Variants in PATJ observed in about 807,000 individuals in gnomAD.
PATJ encodes the protein PATJ crumbs cell polarity complex component, also known as inaD-like protein.
A neutral mutation model predicts 224.9 loss-of-function variants in PATJ; 190 were observed. The observed-to-expected ratio is 0.84, with a 90% CI of 0.75 to 0.95. The LOEUF is 0.95. Among genes scored for constraint, PATJ ranks in the 40% least tolerant of loss-of-function variants. PATJ has a pLI of 0.00. For synonymous variants in PATJ, 769 were observed against 820.3 expected (o/e 0.94, Z 1.07); for missense variants, 2,121 against 2,270.3 (o/e 0.93, Z 1.34).
rs1333691618 is a variant in PATJ, at chr1:62,038,856, G to A, written c.4032+807G>A. On this transcript the variant is annotated intron_variant, in intron 30 of 43. Coordinates refer to ENST00000642238, the MANE Select transcript of PATJ (RefSeq NM_001350145.3). ...CGGTGGGTGGGATGGAGGCGACCTTGGAGCAGCGCATAGAAGATACAATGA... is the reference window on the plus strand; with the variant it reads ...CGGTGGGTGGGATGGAGGCGACCTTAGAGCAGCGCATAGAAGATACAATGA... The A allele has an allele frequency of 1.3e-5, 10 of 744,742 alleles. No homozygotes were observed. The Admixed American group carries it at 1.6e-4, about 12-fold the overall frequency. The allele number at this position is 744,742 out of a possible 1,614,324, so 46.1% of individuals were successfully genotyped here.
chr1:61,950,725 T>A (rs1679533547), intron 27 of PATJ, among the ~76,000 whole-genome samples: 1 of 152,208 alleles, frequency 6.6e-6, no homozygotes, highest in Non-Finnish European at 1.5e-5. Context: ...TGTTTTTTGT[T>A]TGTTTGTTTT....
intron 33 of PATJ, among the ~76,000 whole-genome samples, chr1:62,103,474 C>T (rs1046371980): frequency 2.6e-5 from 4 of 152,144 alleles, no homozygotes; most frequent in Non-Finnish European, 5.9e-5. Context: ...ATTACCTGGC[C>T]GGGTGCAATG....
Position 62,037,987 on chromosome 1 carries a change from G to A in PATJ, c.3970G>A (p.Ala1324Thr), listed in dbSNP as rs1650758306. The change falls in exon 30 of 44, where the codon GCA becomes ACA. Residue 1324 changes from alanine to threonine, a missense_variant. Physicochemically the swap from Ala to Thr is moderately conservative, Grantham distance 58. Coordinates refer to ENST00000642238, the MANE Select transcript of PATJ (RefSeq NM_001350145.3). ...TTTAACACTTCACAGAAACGAGGATGCAGTCAATCAGATGGCCGTTACTCC... is the reference window on the plus strand; with the variant it reads ...TTTAACACTTCACAGAAACGAGGATACAGTCAATCAGATGGCCGTTACTCC... ...VKLVFIRNEDAVNQMAVTPFP... is the reference protein window; with the variant it reads ...VKLVFIRNEDTVNQMAVTPFP... 6 of 1,604,212 alleles carry A rather than the reference G, an allele frequency of 3.7e-6. No individual in the cohort carries two copies. The highest frequency in any genetic ancestry group is 1.7e-4 in the Middle Eastern group (1 of 6,014).
At chr1:62,122,075 A>G (rs1665126470) in intron 38 of PATJ, among the ~76,000 whole-genome samples, 1 of 151,894 alleles carries the variant, frequency 6.6e-6, no homozygotes, top group African/African-American at 2.4e-5. Context: ...ATGAAACACA[A>G]ATGACTCAGC....
intron 4 of PATJ, 50 bp from the exon 5 acceptor site, chr1:61,769,233 G>A (rs761770042): frequency 7.7e-6 from 12 of 1,568,528 alleles, no homozygotes; most frequent in South Asian, 7.1e-5. Flanking sequence ...GACAGAGTAT[G>A]TTGGCTAAAT....
intron 15 of PATJ, among the ~76,000 whole-genome samples, chr1:61,825,093 C>T (rs1042081982): frequency 6.6e-6 from 1 of 152,128 alleles, no homozygotes; most frequent in African/African-American, 2.4e-5. Flanking sequence ...AGAATCAGTT[C>T]CTTCATCAAT....
chr1:61,984,164 A>ATTATTT (rs1553231368), intron 27 of PATJ, among the ~76,000 whole-genome samples: 23 of 132,148 alleles, frequency 1.7e-4, no homozygotes, highest in Non-Finnish European at 3.1e-4. Flanking sequence ...TATTATTATT[A>ATTATTT]TTTTTTTTTT....
intron 30 of PATJ, 53 bp downstream of exon 30, chr1:62,038,102 A>C: frequency 9.1e-7 from 1 of 1,100,100 alleles, no homozygotes. Context: ...TGTCATGAGC[A>C]TTTTCCCCCA....
rs201592994 is a variant in PATJ at position 61,763,080 on chromosome 1, G to T, written c.90G>T (p.Ser30=). ...KMKLQEKGDT[S]QNEKLSMFYE... ...AATTGCAGGAGAAGGGTGACACGTC[G>T]CAGAATGAGAAGTTATCTATGTTTT... Residue 30 remains serine (S), a synonymous_variant, in exon 3 of 44, where the codon TCG becomes TCT. Transcript: ENST00000642238. 5 of 1,610,906 alleles carry T rather than the reference G, an allele frequency of 3.1e-6. No individual in the cohort carries two copies. Among genetic ancestry groups the T allele is most frequent in the Admixed American group, 3.3e-5 (2 of 59,908 alleles).
intron 28 of PATJ, among the ~76,000 whole-genome samples, chr1:61,997,919 G>C (rs1370422330): frequency 7.0e-6 from 1 of 143,378 alleles, no homozygotes; most frequent in African/African-American, 2.6e-5. Flanking sequence ...CTGGGCTCAA[G>C]TGATCCTCCC....
chr1:61,794,982 C>CA lies in PATJ; in HGVS notation c.1169-479dup, dbSNP rs1253950714. On this transcript the variant is annotated intron_variant, in intron 9 of 43. Transcript: ENST00000642238. Reference sequence around the variant, plus strand: ...GGGCGACAAGAGCAAAACTCCATCTCAAAAAACAAACAAAAAGATCATATA... The same window carrying CA: ...GGGCGACAAGAGCAAAACTCCATCTCAAAAAAACAAACAAAAAGATCATATA... Among the ~76,000 whole-genome samples, 11 of 149,900 alleles carry CA rather than the reference C, an allele frequency of 7.3e-5. No individual in the cohort carries two copies. The East Asian group carries it at 1.8e-3, about 24-fold the overall frequency.
At chr1:61,754,771 G>A (rs553130111) in intron 1 of PATJ, among the ~76,000 whole-genome samples, 9 of 152,098 alleles carry the variant, frequency 5.9e-5, no homozygotes, top group Admixed American at 5.9e-4. Flanking sequence ...CTAATTATGA[G>A]TCAGAGACCT....
chr1:61,923,791 A>T (rs1674687644), intron 26 of PATJ, among the ~76,000 whole-genome samples: 1 of 151,652 alleles, frequency 6.6e-6, no homozygotes, highest in Non-Finnish European at 1.5e-5. Flanking sequence ...CTGTGGTGGC[A>T]CATGCCTATA....
At chr1:62,111,724 A>C (rs561891879) in intron 34 of PATJ, among the ~76,000 whole-genome samples, 59 of 149,140 alleles carry the variant, frequency 4.0e-4, no homozygotes, top group African/African-American at 1.2e-3. Context: ...GTAACAGCAC[A>C]ATCTCTGCTC....
At chr1:61,843,589 A>G (rs1221032873) in intron 17 of PATJ, among the ~76,000 whole-genome samples, 1 of 151,994 alleles carries the variant, frequency 6.6e-6, no homozygotes, top group African/African-American at 2.4e-5. Context: ...AAAAAAACTT[A>G]GTCAGGCATG....
At chr1:61,820,514 G>A (rs1419823222) in intron 14 of PATJ, among the ~76,000 whole-genome samples, 2 of 151,800 alleles carry the variant, frequency 1.3e-5, no homozygotes, top group African/African-American at 4.8e-5. Context: ...AGCTAATTTT[G>A]TATTTTTAGT....
chr1:61,806,401 C>T (rs371514257), intron 13 of PATJ, among the ~76,000 whole-genome samples: 3 of 151,952 alleles, frequency 2.0e-5, no homozygotes, highest in Non-Finnish European at 4.4e-5. Context: ...GGGCGGATCA[C>T]GAGGTCAGGA....
chr1:61,778,951 G>A (rs753245111), intron 7 of PATJ, among the ~76,000 whole-genome samples: 48 of 152,086 alleles, frequency 3.2e-4, no homozygotes, highest in African/African-American at 9.2e-4. Flanking sequence ...CATCTGCCTC[G>A]GCCTCCCAAA....
chr1:61,799,784 T>G (rs1652087251), intron 11 of PATJ, among the ~76,000 whole-genome samples: 1 of 152,160 alleles, frequency 6.6e-6, no homozygotes, highest in Non-Finnish European at 1.5e-5. Flanking sequence ...ATTGTTTAGC[T>G]TAGTGAGAAC....
Sources: allele counts gnomAD v4.1 joint callset (sites outside exome capture counted in the v4.1 genomes callset), GRCh38; gene constraint gnomAD v4.1.1; transcripts MANE v1.5; gene names NCBI Gene and HGNC (gene_info 2026-07-23, HGNC 2026-07-21).